SPOCK3: variants seen among roughly 807,000 people sequenced by gnomAD.
The protein encoded by SPOCK3 is testican-3.
A neutral mutation model predicts 56.6 loss-of-function variants in SPOCK3; 30 were observed. The observed-to-expected ratio is 0.53, with a 90% CI of 0.40 to 0.72. The LOEUF (loss-of-function observed/expected upper bound fraction) is 0.72. Among genes scored for constraint, SPOCK3 ranks in the 30% least tolerant of loss-of-function variants. The pLI, the probability that SPOCK3 is intolerant of heterozygous loss-of-function variation, is 0.00. For synonymous variants in SPOCK3, 196 were observed against 183.3 expected (o/e 1.07, Z -0.56); for missense variants, 527 against 530.0 (o/e 0.99, Z 0.06).
intron 6 of SPOCK3, among the ~76,000 whole-genome samples, chr4:166,837,105 C>A (rs1212601379): frequency 6.6e-6 from 1 of 152,186 alleles, no homozygotes; most frequent in East Asian, 1.9e-4. Context: ...AGAGGACTTT[C>A]TCCTTCCTTA....
intron 3 of SPOCK3, among the ~76,000 whole-genome samples, chr4:167,012,266 C>G (rs775467329): frequency 2.6e-5 from 4 of 151,828 alleles, no homozygotes; most frequent in Non-Finnish European, 4.4e-5. Context: ...ACAGCCTCTA[C>G]TAGTATATAT....
chr4:166,856,804 C>CTATCTAGATATCTAGATATCTAGA (rs75264800), intron 6 of SPOCK3, among the ~76,000 whole-genome samples: 1 of 150,158 alleles, frequency 6.7e-6, no homozygotes, highest in Non-Finnish European at 1.5e-5. Context: ...ATCTATCTAT[C>CTATCTAGATATCTAGATATCTAGA]TATCTAGATA....
intron 2 of SPOCK3, among the ~76,000 whole-genome samples, chr4:167,125,691 G>A (rs780742077): frequency 3.3e-5 from 5 of 152,044 alleles, no homozygotes; most frequent in Non-Finnish European, 5.9e-5. Flanking sequence ...CTCCAGCCCC[G>A]GCAGCAGAGG....
chr4:167,065,224 T>A (rs1276950069), intron 2 of SPOCK3, among the ~76,000 whole-genome samples: 1 of 151,556 alleles, frequency 6.6e-6, no homozygotes, highest in African/African-American at 2.4e-5. Context: ...GTGAGTCCAT[T>A]CATGTAAACA....
intron 8 of SPOCK3, among the ~76,000 whole-genome samples, chr4:166,744,359 C>T (rs996512500): frequency 2.0e-5 from 3 of 152,088 alleles, no homozygotes; most frequent in African/African-American, 7.2e-5. Flanking sequence ...GAGTGGACCT[C>T]CAGAAAACTC....
chr4:167,170,335 C>A (rs754237244), intron 2 of SPOCK3, among the ~76,000 whole-genome samples: 1 of 152,082 alleles, frequency 6.6e-6, no homozygotes, highest in African/African-American at 2.4e-5. Context: ...AGCAACTCAA[C>A]TTAAAAGCGC....
chr4:167,209,505 T>C (rs1388929936), intron 2 of SPOCK3, among the ~76,000 whole-genome samples: 1 of 152,150 alleles, frequency 6.6e-6, no homozygotes, highest in African/African-American at 2.4e-5. Flanking sequence ...GTTTGGAGGC[T>C]AGAAGAAAAT....
chr4:167,212,339 G>T (rs777991531), intron 2 of SPOCK3, among the ~76,000 whole-genome samples: 2 of 151,430 alleles, frequency 1.3e-5, no homozygotes, highest in African/African-American at 4.9e-5. Context: ...CCTTCCAGTT[G>T]CAAGAGAATT....
At chr4:166,994,019 A>C (rs1430331306) in intron 4 of SPOCK3, among the ~76,000 whole-genome samples, 1 of 152,182 alleles carries the variant, frequency 6.6e-6, no homozygotes, top group Non-Finnish European at 1.5e-5. Flanking sequence ...AGATGGAGCC[A>C]GACTTCAAAG....
At chr4:166,943,306 G>T (rs1299652668) in intron 4 of SPOCK3, among the ~76,000 whole-genome samples, 1 of 152,120 alleles carries the variant, frequency 6.6e-6, no homozygotes, top group African/African-American at 2.4e-5. Flanking sequence ...CATAGCTACT[G>T]GTCATAGGCA....
chr4:166,773,091 T>C (rs1341820634), intron 7 of SPOCK3, among the ~76,000 whole-genome samples: 1 of 152,158 alleles, frequency 6.6e-6, no homozygotes, highest in East Asian at 1.9e-4. Context: ...CATGCCTAGC[T>C]TCATCTTAAG....
rs531603635 is a variant in SPOCK3 at position 166,943,497 on chromosome 4, A to G, written c.351-30754T>C. ...GTGAAAGTTTACATTAAAATTTGAC[A>G]AAAAGAAGACACATCATGAAAACAC... On this transcript the variant is annotated intron_variant, in intron 4 of 10. Coordinates refer to ENST00000357545, the MANE Select transcript of SPOCK3 (RefSeq NM_001040159.2). Among the ~76,000 whole-genome samples the G allele has an allele frequency of 4.6e-5, 7 of 152,362 alleles. No individual in the cohort carries two copies. In the East Asian group the frequency reaches 1.3e-3, roughly 29 times the overall value.
chr4:167,125,192 T>TTTA, intron 2 of SPOCK3, among the ~76,000 whole-genome samples: 1 of 51,124 alleles, frequency 2.0e-5, no homozygotes, highest in East Asian at 4.5e-4. Flanking sequence ...ACAGAGATTT[T>TTTA]TTATTTATTT....
chr4:167,114,654 T>C (rs956417788), intron 2 of SPOCK3, among the ~76,000 whole-genome samples: 1 of 152,138 alleles, frequency 6.6e-6, no homozygotes, highest in Non-Finnish European at 1.5e-5. Flanking sequence ...TGGCAATGAA[T>C]AGAGCTTCTA....
intron 4 of SPOCK3, among the ~76,000 whole-genome samples, chr4:166,941,627 C>A (rs941744205): frequency 1.3e-5 from 2 of 152,206 alleles, no homozygotes; most frequent in African/African-American, 4.8e-5. Flanking sequence ...GCTAAACTCA[C>A]TGACTTCCTT....
chr4:166,917,827 C>A (rs749718336), intron 4 of SPOCK3, among the ~76,000 whole-genome samples: 1 of 152,016 alleles, frequency 6.6e-6, no homozygotes, highest in Non-Finnish European at 1.5e-5. Context: ...TACATATTAC[C>A]CAGTCTCAGG....
intron 4 of SPOCK3, among the ~76,000 whole-genome samples, chr4:166,964,798 CTCTT>C (rs1194110201): frequency 5.9e-5 from 9 of 151,664 alleles, no homozygotes; most frequent in Non-Finnish European, 1.2e-4. Flanking sequence ...AATTGGACCT[CTCTT>C]TCATAAGGAA....
At chr4:166,956,211 C>CCACACACACA (rs955686304) in intron 4 of SPOCK3, among the ~76,000 whole-genome samples, 9 of 132,298 alleles carry the variant, frequency 6.8e-5, no homozygotes, top group African/African-American at 9.8e-5. Context: ...TAATATTAAA[C>CCACACACACA]CACACACATA....
intron 3 of SPOCK3, among the ~76,000 whole-genome samples, chr4:167,029,360 A>G (rs1752039077): frequency 6.6e-6 from 1 of 151,898 alleles, no homozygotes. Flanking sequence ...TTCTGTTACC[A>G]ATTTCTGATA....
Sources: gnomAD v4.1 joint callset for allele counts (sites outside exome capture counted in the v4.1 genomes callset) on GRCh38, gnomAD v4.1.1 for gene constraint, MANE v1.5 for transcripts, NCBI Gene and HGNC (gene_info 2026-07-23, HGNC 2026-07-21) for gene names.